Variants in SIRPA observed in about 807,000 individuals in gnomAD.
SIRPA encodes the protein tyrosine-protein phosphatase non-receptor type substrate 1.
Under a neutral mutation model 50.3 loss-of-function variants are expected in SIRPA, and 9 were observed. The observed-to-expected ratio is 0.18, with a 90% CI of 0.11 to 0.31. The LOEUF (loss-of-function observed/expected upper bound fraction) is 0.31, where lower values mean the gene tolerates loss of function less well. SIRPA is among the 10% of genes least tolerant of loss of function. The pLI, the probability that SIRPA is intolerant of heterozygous loss-of-function variation, is 1.00. For missense variants in SIRPA, 474 were observed against 661.6 expected (o/e 0.72, Z 3.11); for synonymous variants, 265 against 284.1 (o/e 0.93, Z 0.68).
chr20:1,924,728 T>A lies in SIRPA; in HGVS notation c.1088-36T>A. ...TGGGTTTGGTTTTCTGTTTTTAATC[T>A]GCATACGTGAAGCCTCTATTCCATG... is the stretch of plus-strand genomic sequence containing the variant. On this transcript the variant is annotated intron_variant, in intron 4 of 7. Transcript: ENST00000358771. This position sits in a 1 kb window ranked among gnomAD's most constrained non-coding sequence, Gnocchi z 4.5. 2 of 1,565,062 alleles carry A rather than the reference T, an allele frequency of 1.3e-6. No homozygotes were observed. The highest frequency in any genetic ancestry group is 1.8e-6 in the Non-Finnish European group (2 of 1,136,486).
Position 1,933,423 on chromosome 20 carries a change from T to C in SIRPA, c.1227-1292T>C, listed in dbSNP as rs998462976. Among the ~76,000 whole-genome samples, 2 of 142,402 alleles carry C rather than the reference T, an allele frequency of 1.4e-5. No individual in the cohort carries two copies. The highest frequency in any genetic ancestry group is 5.2e-5 in the African/African-American group (2 of 38,162). 93.4% of individuals were successfully genotyped at this position (142,402 alleles called of 152,430 possible). A position where few individuals can be genotyped will look rare whatever the true frequency, so the allele number is the denominator to read the frequency against. ...GCCACCCCCCCCCCGAAATATCTGG[T>C]GGGCAGATGAGTGGGTACATGAGGG... On this transcript the variant is annotated intron_variant, in intron 6 of 7. Coordinates refer to ENST00000358771, the MANE Select transcript of SIRPA (RefSeq NM_001040023.2). This position sits in a 1 kb window ranked among gnomAD's most constrained non-coding sequence, Gnocchi z 4.4.
At chr20:1,900,300 G>A (rs1219672269) in intron 1 of SIRPA, among the ~76,000 whole-genome samples, 6 of 151,990 alleles carry the variant, frequency 3.9e-5, no homozygotes, top group African/African-American at 9.7e-5. Flanking sequence ...AGGTTTCTCC[G>A]TGTTGGTCAG....
rs114064855 is a variant in SIRPA at position 1,920,124 on chromosome 20, C to T, written c.437-1271C>T. ...AGCTTTGTCCTAAAAGGGGCTCACA[C>T]GAGGATCCCCTCACAGAGATGGAGT... On this transcript the variant is annotated intron_variant, in intron 2 of 7. Coordinates refer to ENST00000358771, the MANE Select transcript of SIRPA (RefSeq NM_001040023.2). Among the ~76,000 whole-genome samples the T allele has an allele frequency of 6.2e-3, 947 of 152,280 alleles. 6 individuals are homozygous for T. The highest frequency in any genetic ancestry group is 0.021 in the African/African-American group (869 of 41,538).
chr20:1,922,777 A>G, intron 4 of SIRPA, 132 bp downstream of exon 4: 1 of 1,126,304 alleles, frequency 8.9e-7, no homozygotes, highest in Non-Finnish European at 1.2e-6. Context: ...TAGAATTTTA[A>G]TGTCAGCTCC....
chr20:1,895,430 G>A lies in SIRPA; in HGVS notation c.-18G>A, dbSNP rs1329008812. On this transcript the variant is annotated 5_prime_UTR_variant, in exon 1 of 8. Transcript: ENST00000358771. The stretch of plus-strand genomic sequence containing the variant: ...GCACTCACGGCCGCTCTCCCTCCTC[G>A]CTCCGCAGCCGCGGCCCATGGAGCC... The A allele has an allele frequency of 1.9e-5, 27 of 1,388,164 alleles. No individual in the cohort carries two copies. Among genetic ancestry groups the A allele is most frequent in the Non-Finnish European group, 2.5e-5 (27 of 1,077,602 alleles). The allele number at this position is 1,388,164 out of a possible 1,614,324, so 86.0% of individuals were successfully genotyped here. A position where few individuals can be genotyped will look rare whatever the true frequency, so the allele number is the denominator to read the frequency against.
chr20:1,914,965 G>A (rs73569345), intron 1 of SIRPA, 134 bp from the exon 2 acceptor site: 272,121 of 759,388 alleles, frequency 0.36, 54,035 homozygotes, highest in East Asian at 0.64. Context: ...CAAATGAGAT[G>A]ATACATGCAC....
In SIRPA at chr20:1,939,217, A is replaced by G. The variant is rs962291607; in HGVS notation, c.*1649A>G. ...TCTTAGAGTTGAGACGCTAATGTTC[A>G]TGACTCCTGGCCTTGGGATGCCCAA... is the stretch of plus-strand genomic sequence containing the variant. On this transcript the variant is annotated 3_prime_UTR_variant, in exon 8 of 8. Coordinates refer to ENST00000358771, the MANE Select transcript of SIRPA (RefSeq NM_001040023.2). This position sits in a 1 kb window ranked among gnomAD's most constrained non-coding sequence, Gnocchi z 4.7. The G allele has an allele frequency of 3.3e-5, 5 of 152,312 alleles. No individual in the cohort carries two copies. The East Asian group carries it at 9.7e-4, about 29-fold the overall frequency. The allele number at this position is 152,312 out of a possible 1,614,324, so 9.4% of individuals were successfully genotyped here. A position where few individuals can be genotyped will look rare whatever the true frequency, so the allele number is the denominator to read the frequency against.
intron 1 of SIRPA, among the ~76,000 whole-genome samples, chr20:1,910,778 A>G (rs185546576): frequency 9.9e-4 from 151 of 152,344 alleles, no homozygotes; most frequent in African/African-American, 3.5e-3. Flanking sequence ...GGGGAAAAAA[A>G]GAGAAAAACC....
chr20:1,927,751 C>T lies in SIRPA; in HGVS notation c.1202-124C>T. 4.6e-6 allele frequency: 4 copies of T among 862,864 alleles called. No homozygotes were observed. The highest frequency in any genetic ancestry group is 8.0e-6 in the Non-Finnish European group (4 of 502,888). The allele number at this position is 862,864 out of a possible 1,614,324, so 53.5% of individuals were successfully genotyped here. A position where few individuals can be genotyped will look rare whatever the true frequency, so the allele number is the denominator to read the frequency against. ...TGGGCATGGGGGTCTCCTGTGGTTC[C>T]AAGGATGTGATTACAGCATTTCCTC... On this transcript the variant is annotated intron_variant, in intron 5 of 7. Coordinates refer to ENST00000358771, the MANE Select transcript of SIRPA (RefSeq NM_001040023.2). The surrounding 1 kb of genome is among the most constrained non-coding windows in gnomAD (Gnocchi z 6.5).
At position 1,927,990 on chromosome 20, in the gene SIRPA, A is replaced by G. The variant is rs79540503; in HGVS notation, c.1226+91A>G. On this transcript the variant is annotated intron_variant, in intron 6 of 7. Transcript: ENST00000358771. The surrounding 1 kb of genome is among the most constrained non-coding windows in gnomAD (Gnocchi z 6.5). Reference sequence around the variant, plus strand: ...TACAAAGCATAATCCATGTCCACTGACCTCACCAATGTGTTGGTCAACATG... The same window carrying G: ...TACAAAGCATAATCCATGTCCACTGGCCTCACCAATGTGTTGGTCAACATG... 2,258 of 1,071,682 alleles carry G rather than the reference A, an allele frequency of 2.1e-3. 29 individuals carry two copies. In the African/African-American group the frequency reaches 0.032, roughly 15 times the overall value. The allele number at this position is 1,071,682 out of a possible 1,614,324, so 66.4% of individuals were successfully genotyped here.
chr20:1,937,856 ACT>A lies in SIRPA; in HGVS notation c.*291_*292del, dbSNP rs1986681816. On this transcript the variant is annotated 3_prime_UTR_variant, in exon 8 of 8. Coordinates refer to ENST00000358771, the MANE Select transcript of SIRPA (RefSeq NM_001040023.2). The surrounding 1 kb of genome is among the most constrained non-coding windows in gnomAD (Gnocchi z 8.3). The stretch of plus-strand genomic sequence containing the variant: ...GGCCAGAACTGCCTGGGGTCCAAGA[ACT>A]CTTGTGCCTCCGTCCATCACCATGT... 1 of 451,912 alleles carries A rather than the reference ACT, an allele frequency of 2.2e-6. No individual in the cohort carries two copies. The highest frequency in any genetic ancestry group is 3.5e-5 in the Admixed American group (1 of 28,480). 28.0% of individuals were successfully genotyped at this position (451,912 alleles called of 1,614,324 possible). A position where few individuals can be genotyped will look rare whatever the true frequency, so the allele number is the denominator to read the frequency against.
At chr20:1,905,136 G>A (rs887802610) in intron 1 of SIRPA, among the ~76,000 whole-genome samples, 2 of 152,228 alleles carry the variant, frequency 1.3e-5, no homozygotes, top group South Asian at 2.1e-4. Flanking sequence ...GTCAGCTTGG[G>A]GAAAAATCCC....
chr20:1,924,678 C>G lies in SIRPA; in HGVS notation c.1088-86C>G, dbSNP rs1985874074. On this transcript the variant is annotated intron_variant, in intron 4 of 7. Transcript: ENST00000358771. The surrounding 1 kb of genome is among the most constrained non-coding windows in gnomAD (Gnocchi z 4.5). ...AGCCAGATGTTCTCAGTTAATGATG[C>G]CTGCTTAGTGGTGAAAAGCAGTGGT... 9.4e-7 allele frequency: 1 copy of G among 1,065,056 alleles called. No homozygotes were observed. The highest frequency in any genetic ancestry group is 1.4e-6 in the Non-Finnish European group (1 of 693,434). The allele number at this position is 1,065,056 out of a possible 1,614,324, so 66.0% of individuals were successfully genotyped here. A position where few individuals can be genotyped will look rare whatever the true frequency, so the allele number is the denominator to read the frequency against.
intron 1 of SIRPA, among the ~76,000 whole-genome samples, chr20:1,913,798 G>C (rs1292880696): frequency 6.6e-6 from 1 of 152,088 alleles, no homozygotes; most frequent in East Asian, 1.9e-4. Context: ...GCCTTGCTCT[G>C]AACTGTTCTC....
rs1986793219 is a variant in SIRPA, at chr20:1,940,126, G to A, written c.*2558G>A. The A allele has an allele frequency of 1.3e-5, 2 of 152,258 alleles. No homozygotes were observed. The allele number at this position is 152,258 out of a possible 1,614,324, so 9.4% of individuals were successfully genotyped here. On this transcript the variant is annotated 3_prime_UTR_variant, in exon 8 of 8. Coordinates refer to ENST00000358771, the MANE Select transcript of SIRPA (RefSeq NM_001040023.2). ...GATAAAATTCCATATAGACAACTGA[G>A]TTTGGATCTCGGCTCTGCTGCTTTG...
Position 1,937,436 on chromosome 20 carries a change from G to A in SIRPA, c.1383G>A (p.Gln461=). The A allele has an allele frequency of 6.2e-7, 1 of 1,614,130 alleles. No homozygotes were observed. Among genetic ancestry groups the A allele is most frequent in the Non-Finnish European group, 8.5e-7 (1 of 1,180,020 alleles). The change falls in exon 8 of 8, where the codon CAG becomes CAA. Residue 461 remains glutamine (Q), a synonymous_variant. Transcript: ENST00000358771. The surrounding 1 kb of genome is among the most constrained non-coding windows in gnomAD (Gnocchi z 8.3). ...TEYASIQTSP[Q]PASEDTLTYA... is the part of the protein sequence containing the mutation. ...ATGCCAGCATTCAGACCAGCCCGCA[G>A]CCCGCGTCGGAGGACACCCTCACCT...
rs1313639882 is a variant in SIRPA at position 1,904,278 on chromosome 20, G to A, written c.79+8752G>A. On this transcript the variant is annotated intron_variant, in intron 1 of 7. Coordinates refer to ENST00000358771, the MANE Select transcript of SIRPA (RefSeq NM_001040023.2). Reference sequence around the variant, plus strand: ...AATTTGTACTTAAAATTCTGGCTACGCAAACTGCTTGCCCAACTTTAGACA... The same window carrying A: ...AATTTGTACTTAAAATTCTGGCTACACAAACTGCTTGCCCAACTTTAGACA... Among the ~76,000 whole-genome samples, 8 of 152,196 alleles carry A rather than the reference G, an allele frequency of 5.3e-5. No homozygotes were observed. The East Asian group carries it at 9.6e-4, about 18-fold the overall frequency.
chr20:1,921,333 C>T (rs1985635993), intron 2 of SIRPA, 62 bp from the exon 3 acceptor site: 3 of 1,608,912 alleles, frequency 1.9e-6, no homozygotes, highest in Non-Finnish European at 2.6e-6. Context: ...ACGTGTCACA[C>T]ACTTATCGTT....
chr20:1,907,647 A>G (rs1165821160), intron 1 of SIRPA, among the ~76,000 whole-genome samples: 2 of 152,196 alleles, frequency 1.3e-5, no homozygotes, highest in East Asian at 1.9e-4. Flanking sequence ...CTCCTCTTGC[A>G]ACACCGATCG....
Sources: gnomAD v4.1 joint callset for allele counts (sites outside exome capture counted in the v4.1 genomes callset) on GRCh38, gnomAD v4.1.1 for gene constraint, Gnocchi (gnomAD v3.1) non-coding constraint, MANE v1.5 for transcripts, NCBI Gene and HGNC (gene_info 2026-07-23, HGNC 2026-07-21) for gene names.